KRT14: variants seen among roughly 807,000 people sequenced by gnomAD.
The protein encoded by KRT14 is keratin, type I cytoskeletal 14.
A neutral mutation model predicts 44.5 loss-of-function variants in KRT14; 30 were observed. The ratio of observed to expected loss-of-function variants is 0.67; its 90% CI spans 0.50 to 0.92. The LOEUF is 0.92. KRT14 is among the 40% of genes least tolerant of loss of function. KRT14 has a pLI of 0.00. For synonymous variants in KRT14, 241 were observed against 257.6 expected (o/e 0.94, Z 0.62); for missense variants, 535 against 640.6 (o/e 0.84, Z 1.78).
intron 2 of KRT14, among the ~76,000 whole-genome samples, chr17:41,584,675 A>C (rs568818287): frequency 4.6e-5 from 7 of 152,326 alleles, no homozygotes; most frequent in African/African-American, 1.7e-4. Context: ...AATAATGCAG[A>C]AGTCCTCCAA....
In KRT14 at chr17:41,583,271, G is replaced by A. The variant is rs1055378322; in HGVS notation, c.1238C>T (p.Ala413Val). 3.7e-6 allele frequency: 6 copies of A among 1,613,408 alleles called. No individual in the cohort carries two copies. The highest frequency in any genetic ancestry group is 1.3e-5 in the African/African-American group (1 of 74,874). Reference protein sequence around the residue: ...DVKTRLEQEIATYRRLLEGED... With the variant: ...DVKTRLEQEIVTYRRLLEGED... Reference sequence around the variant, plus strand: ...GCCCTCCAGCAGGCGGCGGTAGGTGGCGATCTCCTGCTCCAGCCGCGTCTT... The same window carrying A: ...GCCCTCCAGCAGGCGGCGGTAGGTGACGATCTCCTGCTCCAGCCGCGTCTT... Residue 413 changes from alanine (A) to valine (V), a missense_variant, in exon 6 of 8, where the codon GCC becomes GTC. Physicochemically the swap from Ala to Val is moderately conservative, Grantham distance 64. Transcript: ENST00000167586.
chr17:41,583,526 C>T, intron 5 of KRT14, 25 bp downstream of exon 5: 1 of 1,614,184 alleles, frequency 6.2e-7, no homozygotes, highest in South Asian at 1.1e-5. Context: ...CCTGGGTGCA[C>T]CACCCTTCCT....
At chr17:41,585,776 T>C (rs1361463607) in intron 1 of KRT14, among the ~76,000 whole-genome samples, 3 of 152,230 alleles carry the variant, frequency 2.0e-5, no homozygotes, top group African/African-American at 7.2e-5. Flanking sequence ...ACCACACTAA[T>C]TGTCTCTGCA....
chr17:41,584,450 T>A, intron 2 of KRT14, 37 bp from the exon 3 acceptor site: 2 of 1,611,594 alleles, frequency 1.2e-6, no homozygotes, highest in Non-Finnish European at 1.7e-6. Flanking sequence ...GAGACACCCA[T>A]CCTGATCACA....
chr17:41,585,426 T>C (rs1487417018), intron 1 of KRT14, among the ~76,000 whole-genome samples: 1 of 152,224 alleles, frequency 6.6e-6, no homozygotes, highest in African/African-American at 2.4e-5. Flanking sequence ...ACCTCTCTTC[T>C]GTCTGCATCA....
Position 41,582,506 on chromosome 17 carries a change from T to G in KRT14, c.1348A>C (p.Thr450Pro). 6.4e-7 allele frequency: 1 copy of G among 1,570,668 alleles called. No homozygotes were observed. The highest frequency in any genetic ancestry group is 8.6e-7 in the Non-Finnish European group (1 of 1,157,762). Residue 450 changes from threonine to proline, a missense_variant, in exon 8 of 8, where the codon ACC (threonine) becomes CCC (proline). Thr to Pro is a conservative substitution (Grantham distance 38, BLOSUM62 -1). Coordinates refer to ENST00000167586, the MANE Select transcript of KRT14 (RefSeq NM_000526.5). ...DVTSSSRQIRTKVMDVHDGKV... is the reference protein window; with the variant it reads ...DVTSSSRQIRPKVMDVHDGKV... ...CCATCGTGCACATCCATGACCTTGGTGCGGATTTGGCGGCTGGAGGAGGTC... is the reference window on the plus strand; with the variant it reads ...CCATCGTGCACATCCATGACCTTGGGGCGGATTTGGCGGCTGGAGGAGGTC...
chr17:41,585,282 T>A (rs1907492654), intron 1 of KRT14, among the ~76,000 whole-genome samples: 1 of 152,144 alleles, frequency 6.6e-6, no homozygotes, highest in South Asian at 2.1e-4. Flanking sequence ...GGGCTTAGAA[T>A]CGAAAGCCCA....
chr17:41,583,015 G>A (rs1261545640), intron 7 of KRT14, 79 bp downstream of exon 7: 1 of 1,348,428 alleles, frequency 7.4e-7, no homozygotes, highest in Non-Finnish European at 1.1e-6. Flanking sequence ...CCCTCACGGA[G>A]CCCCTAGCCA....
intron 7 of KRT14, 116 bp from the exon 8 acceptor site, chr17:41,582,648 CT>C: frequency 1.3e-6 from 1 of 785,140 alleles, no homozygotes; most frequent in Non-Finnish European, 2.2e-6. Flanking sequence ...GCCCTCTCCC[CT>C]GATTACTGCT....
chr17:41,585,983 A>C (rs1225524386), intron 1 of KRT14, among the ~76,000 whole-genome samples: 1 of 152,268 alleles, frequency 6.6e-6, no homozygotes, highest in Admixed American at 6.5e-5. Flanking sequence ...CAAGGGCCCC[A>C]GCCTTGGCTC....
At position 41,584,293 on chromosome 17, in the gene KRT14, C is replaced by A; in HGVS notation, c.729G>T (p.Lys243Asn). 6.2e-7 allele frequency: 1 copy of A among 1,613,968 alleles called. No individual in the cohort carries two copies. The highest frequency in any genetic ancestry group is 8.5e-7 in the Non-Finnish European group (1 of 1,179,984). Residue 243 changes from lysine (K) to asparagine (N), a missense_variant, in exon 3 of 8, where the codon AAG becomes AAT. By Grantham distance (94) the Lys-to-Asn change is moderately conservative. Transcript: ENST00000167586. ...ADLEMQIESL[K>N]EELAYLKKNH... Reference sequence around the variant, plus strand: ...TCTTCTTCAGGTAGGCCAGCTCCTCCTTCAGGCTCTCAATCTGCATCTCCA... The same window carrying A: ...TCTTCTTCAGGTAGGCCAGCTCCTCATTCAGGCTCTCAATCTGCATCTCCA...
intron 3 of KRT14, 89 bp from the exon 4 acceptor site, chr17:41,584,010 C>T: frequency 7.4e-7 from 1 of 1,352,610 alleles, no homozygotes; most frequent in East Asian, 2.5e-5. Flanking sequence ...CTCCCACCAT[C>T]ACAATTCTAT....
rs753284741 is a variant in KRT14 at position 41,583,047 on chromosome 17, A to G, written c.1321+47T>C. The G allele has an allele frequency of 2.5e-6, 4 of 1,577,242 alleles. No individual in the cohort carries two copies. The Admixed American group carries it at 6.7e-5, about 26-fold the overall frequency. On this transcript the variant is annotated intron_variant, in intron 7 of 7. Transcript: ENST00000167586. ...GCCAATGCCTAGACCTGCTTGGGGT[A>G]CAGAGGGTGGCCTGGAGCCCAGGCC...
At position 41,583,855 on chromosome 17, in the gene KRT14, C is replaced by T. The variant is rs768948990; in HGVS notation, c.832G>A (p.Val278Met). ...TCGTTCAGAATGCGGCTCAGGTCCA[C>T]GCCAGGTGCAGCGTCCATCTCCACA... ...VNVEMDAAPG[V>M]DLSRILNEMR... The change falls in exon 4 of 8, where the codon GTG (valine) becomes ATG (methionine). Residue 278 changes from valine (V) to methionine (M), a missense_variant. Transcript: ENST00000167586. The T allele has an allele frequency of 1.2e-5, 19 of 1,614,140 alleles. No homozygotes were observed. Among genetic ancestry groups the T allele is most frequent in the Middle Eastern group, 1.6e-4 (1 of 6,062 alleles).
At chr17:41,582,558 T>C in intron 7 of KRT14, 26 bp from the exon 8 acceptor site, 2 of 1,531,342 alleles carry the variant, frequency 1.3e-6, no homozygotes, top group Non-Finnish European at 8.9e-7. Flanking sequence ...GAAGAGGACG[T>C]TACCAGAGGT....
At position 41,584,374 on chromosome 17, in the gene KRT14, G is replaced by A. The variant is rs116375751; in HGVS notation, c.648C>T (p.Ala216=). ...GCACCCTGCGCAGGCCATTGATGTC[G>A]GCTTCCACACTCATGCGCAGGTTCA... ...TELNLRMSVE[A]DINGLRRVLD... is the part of the protein sequence containing the mutation. Residue 216 remains alanine (A), a synonymous_variant, in exon 3 of 8, where the codon GCC becomes GCT. Transcript: ENST00000167586. The A allele has an allele frequency of 8.1e-6, 13 of 1,613,862 alleles. No individual in the cohort carries two copies. The highest frequency in any genetic ancestry group is 2.2e-5 in the East Asian group (1 of 44,894).
Position 41,586,482 on chromosome 17 carries a change from G to T in KRT14, c.353C>A (p.Thr118Asn), listed in dbSNP as rs1064794983. The T allele has an allele frequency of 2.5e-6, 4 of 1,613,974 alleles. No homozygotes were observed. The highest frequency in any genetic ancestry group is 1.7e-5 in the Admixed American group (1 of 59,998). The change falls in exon 1 of 8, where the codon ACC becomes AAC. Residue 118 changes from threonine to asparagine, a missense_variant. Thr to Asn is a moderately conservative substitution (Grantham distance 65, BLOSUM62 0). Coordinates refer to ENST00000167586, the MANE Select transcript of KRT14 (RefSeq NM_000526.5). The part of the protein sequence containing the change: ...DGLLVGSEKV[T>N]MQNLNDRLAS... Reference sequence around the variant, plus strand: ...CAGGCGGTCATTGAGGTTCTGCATGGTCACCTTCTCACTGCCCACCAGAAG... The same window carrying T: ...CAGGCGGTCATTGAGGTTCTGCATGTTCACCTTCTCACTGCCCACCAGAAG...
rs761956765 is a variant in KRT14, at chr17:41,583,583, G to C, written c.1021C>G (p.Leu341Val). The C allele has an allele frequency of 6.2e-7, 1 of 1,614,202 alleles. No individual in the cohort carries two copies. The highest frequency in any genetic ancestry group is 8.5e-7 in the Non-Finnish European group (1 of 1,180,030). Reference protein sequence around the residue: ...ISELRRTMQNLEIELQSQLSM... With the variant: ...ISELRRTMQNVEIELQSQLSM... ...AGCTGGGACTGCAGCTCAATCTCCA[G>C]GTTCTGCATGGTGCGCCGGAGCTCC... The change falls in exon 5 of 8, where the codon CTG becomes GTG. Residue 341 changes from leucine to valine, a missense_variant. Coordinates refer to ENST00000167586, the MANE Select transcript of KRT14 (RefSeq NM_000526.5).
Position 41,583,419 on chromosome 17 carries a change from C to T in KRT14, c.1090G>A (p.Gly364Ser), listed in dbSNP as rs1308609637. ...TGGGCCAGCTGCATGCAGTAGCGAC[C>T]TTTGGTCTCCTCCAGGCTGTTCTCC... Reference protein sequence around the residue: ...SLENSLEETKGRYCMQLAQIQ... With the variant: ...SLENSLEETKSRYCMQLAQIQ... Residue 364 changes from glycine to serine, a missense_variant, in exon 6 of 8, where the codon GGT becomes AGT. Coordinates refer to ENST00000167586, the MANE Select transcript of KRT14 (RefSeq NM_000526.5). The T allele has an allele frequency of 3.7e-6, 6 of 1,613,934 alleles. No individual in the cohort carries two copies. The highest frequency in any genetic ancestry group is 1.3e-5 in the African/African-American group (1 of 74,926).
Sources: gnomAD v4.1 joint callset for allele counts (sites outside exome capture counted in the v4.1 genomes callset) on GRCh38, gnomAD v4.1.1 for gene constraint, MANE v1.5 for transcripts, NCBI Gene and HGNC (gene_info 2026-07-23, HGNC 2026-07-21) for gene names.